UNC13B: variants seen among roughly 807,000 people sequenced by gnomAD.
UNC13B encodes the protein unc-13 homolog B.
A neutral mutation model predicts 211.0 loss-of-function variants in UNC13B; 144 were observed. The ratio of observed to expected loss-of-function variants is 0.68; its 90% CI spans 0.60 to 0.78. The LOEUF (loss-of-function observed/expected upper bound fraction) is 0.78, where lower values mean the gene tolerates loss of function less well. UNC13B is among the 30% of genes least tolerant of loss of function. The probability of loss-of-function intolerance (pLI) is 0.00; values close to 1 mark genes in which losing one functional copy is unlikely to be tolerated. For missense variants in UNC13B, 1,777 were observed against 2,002.0 expected (o/e 0.89, Z 2.14); for synonymous variants, 709 against 725.8 (o/e 0.98, Z 0.37).
chr9:35,399,415 T>G lies in UNC13B; in HGVS notation c.12222T>G (p.Ala4074=). The change falls in exon 35 of 40, where the codon GCT becomes GCG. Residue 4074 remains alanine (A), a synonymous_variant. Coordinates refer to ENST00000635942, the MANE Select transcript of UNC13B (RefSeq NM_001371189.2). ...DQTGTQLIFT[A]AKELSHLSKL... is the part of the protein sequence containing the mutation. ...AGGGCACCCAGCTGATCTTCACTGC[T>G]GCCAAGGAGCTGAGCCATCTTTCCA... The G allele has an allele frequency of 6.2e-7, 1 of 1,614,136 alleles. No individual in the cohort carries two copies. The highest frequency in any genetic ancestry group is 8.5e-7 in the Non-Finnish European group (1 of 1,180,018).
chr9:35,222,481 C>T (rs988813585), intron 1 of UNC13B, among the ~76,000 whole-genome samples: 5 of 152,092 alleles, frequency 3.3e-5, no homozygotes, highest in South Asian at 2.1e-4. Context: ...TGCACATGTG[C>T]GCATGGGAGT....
chr9:35,236,450 G>T lies in UNC13B; in HGVS notation c.153-19G>T, dbSNP rs1825514647. On this transcript the variant is annotated intron_variant, in intron 3 of 39. Transcript: ENST00000635942. ...CATATTGTCTAGCTTTCCTCAAAGG[G>T]CTTTCCTCTTTCCCTTAGTGAGATT... The T allele has an allele frequency of 1.3e-6, 2 of 1,599,168 alleles. No individual in the cohort carries two copies. Among genetic ancestry groups the T allele is most frequent in the Non-Finnish European group, 1.7e-6 (2 of 1,167,046 alleles).
intron 1 of UNC13B, among the ~76,000 whole-genome samples, chr9:35,163,785 A>C (rs764646635): frequency 6.6e-5 from 10 of 152,210 alleles, no homozygotes; most frequent in Non-Finnish European, 1.0e-4. Flanking sequence ...ATTGTCTAGA[A>C]ATTCTGCTAT....
At chr9:35,209,584 G>A (rs1026246556) in intron 1 of UNC13B, among the ~76,000 whole-genome samples, 4 of 152,000 alleles carry the variant, frequency 2.6e-5, no homozygotes, top group African/African-American at 9.7e-5. Context: ...CAACATGTTG[G>A]CCCGGCTGGT....
rs1453249700 is a variant in UNC13B, at chr9:35,404,083, G to A, written c.*50G>A. On this transcript the variant is annotated 3_prime_UTR_variant, in exon 40 of 40. Transcript: ENST00000635942. Reference sequence around the variant, plus strand: ...AGGCAGCAGCAATTTCACAAATCAGGGCCAGTGGGAGTTAGCTGTGTAACC... The same window carrying A: ...AGGCAGCAGCAATTTCACAAATCAGAGCCAGTGGGAGTTAGCTGTGTAACC... 2 of 1,582,824 alleles carry A rather than the reference G, an allele frequency of 1.3e-6. No homozygotes were observed. Among genetic ancestry groups the A allele is most frequent in the South Asian group, 1.2e-5 (1 of 86,388 alleles).
At chr9:35,203,564 G>T (rs960656920) in intron 1 of UNC13B, among the ~76,000 whole-genome samples, 1 of 152,142 alleles carries the variant, frequency 6.6e-6, no homozygotes, top group Non-Finnish European at 1.5e-5. Flanking sequence ...AGGGTAACCC[G>T]ACCTTTCTCT....
rs1028847196 is a variant in UNC13B, at chr9:35,385,311, G to T, written c.10876-413G>T. 2.8e-5 allele frequency: 28 copies of T among 985,314 alleles called. No individual in the cohort carries two copies. In the African/African-American group the frequency reaches 4.7e-4, roughly 17 times the overall value. 61.0% of individuals were successfully genotyped at this position (985,314 alleles called of 1,614,324 possible). ...AAGTACAGGTCCTGGACCTCAGTTTGGTCTGTAGTGTGGCTCCACTTATAT... is the reference window on the plus strand; with the variant it reads ...AAGTACAGGTCCTGGACCTCAGTTTTGTCTGTAGTGTGGCTCCACTTATAT... On this transcript the variant is annotated intron_variant, in intron 22 of 39. Coordinates refer to ENST00000635942, the MANE Select transcript of UNC13B (RefSeq NM_001371189.2).
At chr9:35,254,258 A>C (rs1180383446) in intron 6 of UNC13B, among the ~76,000 whole-genome samples, 1 of 152,210 alleles carries the variant, frequency 6.6e-6, no homozygotes, top group Non-Finnish European at 1.5e-5. Flanking sequence ...CAAACTGGAT[A>C]GCTTATAAAC....
At chr9:35,263,578 G>C (rs1827401002) in intron 7 of UNC13B, among the ~76,000 whole-genome samples, 1 of 151,680 alleles carries the variant, frequency 6.6e-6, no homozygotes, top group Non-Finnish European at 1.5e-5. Context: ...GTTATTTAAG[G>C]GTCAACTTAA....
intron 1 of UNC13B, among the ~76,000 whole-genome samples, chr9:35,205,848 G>A (rs528577410): frequency 1.3e-5 from 2 of 152,102 alleles, no homozygotes; most frequent in African/African-American, 4.8e-5. Context: ...GAGTAATGCT[G>A]GTATGAACAT....
At chr9:35,219,179 C>T (rs760515323) in intron 1 of UNC13B, among the ~76,000 whole-genome samples, 2 of 152,102 alleles carry the variant, frequency 1.3e-5, no homozygotes, top group African/African-American at 4.8e-5. Context: ...GTGTGTAGGC[C>T]GATGGCGTTA....
chr9:35,276,621 A>G (rs1331905178), intron 7 of UNC13B, among the ~76,000 whole-genome samples: 2 of 152,170 alleles, frequency 1.3e-5, no homozygotes, highest in African/African-American at 4.8e-5. Context: ...TAAACTTTGT[A>G]AAAAATAGAA....
At position 35,259,742 on chromosome 9, in the gene UNC13B, A is replaced by G. The variant is rs371012722; in HGVS notation, c.526+692A>G. Among the ~76,000 whole-genome samples the G allele has an allele frequency of 8.3e-4, 92 of 110,958 alleles. 1 individual carries two copies. The South Asian group carries it at 0.022, about 26-fold the overall frequency. 72.8% of individuals were successfully genotyped at this position (110,958 alleles called of 152,430 possible). A position where few individuals can be genotyped will look rare whatever the true frequency, so the allele number is the denominator to read the frequency against. ...AAAGGACTGACTTAGAGTCTGATCT[A>G]TTTCGCTTTTTCAACCTGTGATATG... On this transcript the variant is annotated intron_variant, in intron 7 of 39. Coordinates refer to ENST00000635942, the MANE Select transcript of UNC13B (RefSeq NM_001371189.2).
Position 35,297,561 on chromosome 9 carries a change from T to TTTTTTTTTTGTTTGTTTTTTG in UNC13B, c.761+1637_761+1638insTTTGTTTGTTTTTTGTTTTTT. 7.0e-5 allele frequency among the ~76,000 whole-genome samples: 9 copies of TTTTTTTTTTGTTTGTTTTTTG among 128,160 alleles called. No homozygotes were observed. In the Admixed American group the frequency reaches 7.0e-4, roughly 10 times the overall value. The allele number at this position is 128,160 out of a possible 152,430, so 84.1% of individuals were successfully genotyped here. A position where few individuals can be genotyped will look rare whatever the true frequency, so the allele number is the denominator to read the frequency against. On this transcript the variant is annotated intron_variant, in intron 8 of 39. Coordinates refer to ENST00000635942, the MANE Select transcript of UNC13B (RefSeq NM_001371189.2). Reference sequence around the variant, plus strand: ...ACATACTTTGTCTTTTTTTTTTTTTTTTTTTTGAGACGGAGTCTCGCTCTT... The same window carrying TTTTTTTTTTGTTTGTTTTTTG: ...ACATACTTTGTCTTTTTTTTTTTTTTTTTTTTTTTGTTTGTTTTTTGTTTTTTGAGACGGAGTCTCGCTCTT...
At position 35,389,854 on chromosome 9, in the gene UNC13B, G is replaced by A. The variant is rs766867501; in HGVS notation, c.11103G>A (p.Glu3701=). The A allele has an allele frequency of 3.7e-6, 6 of 1,614,056 alleles. No individual in the cohort carries two copies. The South Asian group carries it at 6.6e-5, about 18-fold the overall frequency. Residue 3701 remains glutamate (E), a synonymous_variant, in exon 25 of 40, where the codon GAG becomes GAA. Coordinates refer to ENST00000635942, the MANE Select transcript of UNC13B (RefSeq NM_001371189.2). ...LYSRQYQLKQ[E]LPPEEQGPSI... is the part of the protein sequence containing the mutation. ...GTGTCCTCTGGATCAAGAAGCAGGA[G>A]CTACCTCCAGAGGAACAAGGGCCCA...
At chr9:35,329,650 G>C (rs151067252) in intron 11 of UNC13B, among the ~76,000 whole-genome samples, 1 of 151,890 alleles carries the variant, frequency 6.6e-6, no homozygotes, top group Non-Finnish European at 1.5e-5. Context: ...ACTATGCCCA[G>C]CTAATTTTTT....
intron 1 of UNC13B, among the ~76,000 whole-genome samples, chr9:35,217,387 GTTTTTTTTGTTTT>G (rs1394924914): frequency 6.8e-6 from 1 of 146,168 alleles, no homozygotes; most frequent in Non-Finnish European, 1.5e-5. Flanking sequence ...TTGTTTGTTT[GTTTTTTTTGTTTT>G]TTTTTTTTTT....
chr9:35,297,327 G>A (rs1406688366), intron 8 of UNC13B, among the ~76,000 whole-genome samples: 1 of 151,650 alleles, frequency 6.6e-6, no homozygotes, highest in Non-Finnish European at 1.5e-5. Context: ...GGCCTCAAAC[G>A]ATACGCCTTC....
At chr9:35,319,792 G>A (rs960343961) in intron 11 of UNC13B, among the ~76,000 whole-genome samples, 14 of 151,824 alleles carry the variant, frequency 9.2e-5, no homozygotes, top group Non-Finnish European at 1.6e-4. Flanking sequence ...CCAAGTAGCT[G>A]GGACCACAGG....
Sources: allele counts gnomAD v4.1 joint callset (sites outside exome capture counted in the v4.1 genomes callset), GRCh38; gene constraint gnomAD v4.1.1; transcripts MANE v1.5; gene names NCBI Gene and HGNC (gene_info 2026-07-23, HGNC 2026-07-21).